ADAMTS2: variants seen among roughly 807,000 people sequenced by gnomAD.
ADAMTS2 encodes the protein ADAM metallopeptidase with thrombospondin type 1 motif 2, also known as A disintegrin and metalloproteinase with thrombospondin motifs 2.
ADAMTS2 carries 50 observed loss-of-function variants against 123.0 expected under a neutral mutation model. That is an observed-to-expected ratio of 0.41 (90% CI 0.32 to 0.51). The LOEUF (loss-of-function observed/expected upper bound fraction) is 0.51. Among genes scored for constraint, ADAMTS2 ranks in the 20% least tolerant of loss-of-function variants. The probability of loss-of-function intolerance (pLI) is 0.35; values close to 1 mark genes in which losing one functional copy is unlikely to be tolerated. For missense variants in ADAMTS2, 1,494 were observed against 1,705.2 expected (o/e 0.88, Z 2.18); for synonymous variants, 678 against 695.4 (o/e 0.98, Z 0.39).
intron 2 of ADAMTS2, among the ~76,000 whole-genome samples, chr5:179,310,503 A>G (rs1338808406): frequency 1.3e-5 from 2 of 152,218 alleles, no homozygotes; most frequent in Non-Finnish European, 1.5e-5. Flanking sequence ...GAGAGGTTCA[A>G]GTCCACAGAA....
Position 179,197,654 on chromosome 5 carries a change from C to T in ADAMTS2, c.891+9859G>A, listed in dbSNP as rs1028935737. Among the ~76,000 whole-genome samples, 4 of 152,150 alleles carry T rather than the reference C, an allele frequency of 2.6e-5. No homozygotes were observed. The highest frequency in any genetic ancestry group is 4.4e-5 in the Non-Finnish European group (3 of 68,038). On this transcript the variant is annotated intron_variant, in intron 4 of 21. Coordinates refer to ENST00000251582, the MANE Select transcript of ADAMTS2 (RefSeq NM_014244.5). The surrounding 1 kb of genome is among the most constrained non-coding windows in gnomAD (Gnocchi z 4.2). The stretch of plus-strand genomic sequence containing the variant: ...GGCTGAAGTTTGAGGCTGCAGTGAG[C>T]TATGATTGCAGCACTACGCTCCAGC...
At chr5:179,212,758 G>A (rs1164589577) in intron 3 of ADAMTS2, among the ~76,000 whole-genome samples, 8 of 144,540 alleles carry the variant, frequency 5.5e-5, no homozygotes, top group Non-Finnish European at 1.1e-4. Context: ...GCCTGAGGGC[G>A]GGTGCAGTGG....
chr5:179,307,753 T>G lies in ADAMTS2; in HGVS notation c.535-34689A>C, dbSNP rs1287648651. Among the ~76,000 whole-genome samples, 1 of 152,200 alleles carries G rather than the reference T, an allele frequency of 6.6e-6. No individual in the cohort carries two copies. The highest frequency in any genetic ancestry group is 2.4e-5 in the African/African-American group (1 of 41,456). ...CAGGGCCTTTGCACCTGCTGCTGCC[T>G]CCACCTGGAATGGCCTTCTTCCAGA... On this transcript the variant is annotated intron_variant, in intron 2 of 21. Transcript: ENST00000251582. This position sits in a 1 kb window ranked among gnomAD's most constrained non-coding sequence, Gnocchi z 5.6.
intron 5 of ADAMTS2, among the ~76,000 whole-genome samples, chr5:179,163,994 C>T (rs981451595): frequency 6.6e-6 from 1 of 152,112 alleles, no homozygotes; most frequent in Non-Finnish European, 1.5e-5. Context: ...GGCAGGACTT[C>T]AGGAGACATG....
chr5:179,238,204 G>T (rs1285678448), intron 3 of ADAMTS2, among the ~76,000 whole-genome samples: 1 of 152,228 alleles, frequency 6.6e-6, no homozygotes, highest in Non-Finnish European at 1.5e-5. Flanking sequence ...AGCTGCTCTA[G>T]TTCTCTGGAA....
At chr5:179,159,100 C>T (rs1186954348) in intron 5 of ADAMTS2, among the ~76,000 whole-genome samples, 1 of 152,238 alleles carries the variant, frequency 6.6e-6, no homozygotes, top group African/African-American at 2.4e-5. Context: ...TGAGTTTCCA[C>T]ACAAAGTCAC....
At chr5:179,119,850 C>T (rs756888579) in intron 21 of ADAMTS2, among the ~76,000 whole-genome samples, 6 of 152,314 alleles carry the variant, frequency 3.9e-5, no homozygotes, top group South Asian at 2.1e-4. Flanking sequence ...AAACCCATCT[C>T]GGGCCCTTTT....
intron 3 of ADAMTS2, among the ~76,000 whole-genome samples, chr5:179,208,783 T>C (rs1764780768): frequency 6.6e-6 from 1 of 152,100 alleles, no homozygotes. Flanking sequence ...CTGGTCTCTG[T>C]GTCTAAGCCA....
rs942631497 is a variant in ADAMTS2, at chr5:179,202,368, T to C, written c.891+5145A>G. Among the ~76,000 whole-genome samples, 2 of 151,100 alleles carry C rather than the reference T, an allele frequency of 1.3e-5. No homozygotes were observed. The highest frequency in any genetic ancestry group is 2.4e-5 in the African/African-American group (1 of 41,130). On this transcript the variant is annotated intron_variant, in intron 4 of 21. Coordinates refer to ENST00000251582, the MANE Select transcript of ADAMTS2 (RefSeq NM_014244.5). The surrounding 1 kb of genome is among the most constrained non-coding windows in gnomAD (Gnocchi z 4.0). The stretch of plus-strand genomic sequence containing the variant: ...CCGTTGTCGTGAGCCTCTGCTCCCG[T>C]GATATCTCCAGTGCACCAGCCCCTG...
intron 4 of ADAMTS2, among the ~76,000 whole-genome samples, chr5:179,182,981 AG>A (rs1764081613): frequency 6.6e-6 from 1 of 152,212 alleles, no homozygotes; most frequent in Non-Finnish European, 1.5e-5. Flanking sequence ...CTGTAAAATG[AG>A]GATTGCAGTC....
intron 3 of ADAMTS2, among the ~76,000 whole-genome samples, chr5:179,252,483 C>T (rs1765952692): frequency 6.6e-6 from 1 of 151,950 alleles, no homozygotes; most frequent in East Asian, 1.9e-4. Flanking sequence ...CTTTTATTAT[C>T]ATTGAGTTGT....
At chr5:179,171,311 C>T (rs1205289305) in intron 5 of ADAMTS2, among the ~76,000 whole-genome samples, 2 of 152,174 alleles carry the variant, frequency 1.3e-5, no homozygotes, top group Non-Finnish European at 2.9e-5. Context: ...GCTCCCAAGC[C>T]CTGTGGCCCA....
chr5:179,282,299 T>C (rs1395629970), intron 2 of ADAMTS2, among the ~76,000 whole-genome samples: 4 of 152,188 alleles, frequency 2.6e-5, no homozygotes, highest in Non-Finnish European at 5.9e-5. Flanking sequence ...ATCCATCCAT[T>C]TACAGTTAAT....
intron 3 of ADAMTS2, among the ~76,000 whole-genome samples, chr5:179,233,701 T>C (rs964939312): frequency 1.3e-5 from 2 of 151,780 alleles, no homozygotes; most frequent in African/African-American, 4.8e-5. Context: ...CAAAACAAAA[T>C]GAACAAACAA....
intron 3 of ADAMTS2, among the ~76,000 whole-genome samples, chr5:179,241,984 T>C (rs972127359): frequency 6.6e-6 from 1 of 151,948 alleles, no homozygotes; most frequent in Non-Finnish European, 1.5e-5. Flanking sequence ...GTGGCTGTGG[T>C]GGGGGGGCAC....
At chr5:179,261,278 T>C (rs1404810811) in intron 3 of ADAMTS2, among the ~76,000 whole-genome samples, 2 of 152,068 alleles carry the variant, frequency 1.3e-5, no homozygotes, top group African/African-American at 4.8e-5. Context: ...AAGCGCAAAT[T>C]AGCGCAAAAA....
chr5:179,150,772 G>A (rs111928685), intron 10 of ADAMTS2: 3,607 of 153,080 alleles, frequency 0.024, 56 homozygotes, highest in Non-Finnish European at 0.04. Flanking sequence ...GGGCGAGGAG[G>A]GAGGGGAGAG....
At position 179,160,187 on chromosome 5, in the gene ADAMTS2, G is replaced by A. The variant is rs73807262; in HGVS notation, c.976-1308C>T. ...AAATAACAAAAAGTTGGCCGTGCGCGGTGGCTCACACCTGTAATCCCAGCA... is the reference window on the plus strand; with the variant it reads ...AAATAACAAAAAGTTGGCCGTGCGCAGTGGCTCACACCTGTAATCCCAGCA... On this transcript the variant is annotated intron_variant, in intron 5 of 21. Coordinates refer to ENST00000251582, the MANE Select transcript of ADAMTS2 (RefSeq NM_014244.5). Among the ~76,000 whole-genome samples the A allele has an allele frequency of 6.5e-3, 996 of 152,258 alleles. 12 individuals carry two copies. Among genetic ancestry groups the A allele is most frequent in the African/African-American group, 0.022 (925 of 41,532 alleles).
chr5:179,128,434 C>A lies in ADAMTS2; in HGVS notation c.2458-316G>T, dbSNP rs2113196840. On this transcript the variant is annotated intron_variant, in intron 16 of 21. Transcript: ENST00000251582. This position sits in a 1 kb window ranked among gnomAD's most constrained non-coding sequence, Gnocchi z 4.9. Reference sequence around the variant, plus strand: ...TGAGATGGAGTTTCGCTCTTGTAGCCCAGGCTGGAGTGTAGTGGCACGATC... The same window carrying A: ...TGAGATGGAGTTTCGCTCTTGTAGCACAGGCTGGAGTGTAGTGGCACGATC... Among the ~76,000 whole-genome samples the A allele has an allele frequency of 6.6e-6, 1 of 152,182 alleles. No homozygotes were observed. Among genetic ancestry groups the A allele is most frequent in the South Asian group, 2.1e-4 (1 of 4,814 alleles).
Sources: gnomAD v4.1 joint callset for allele counts (sites outside exome capture counted in the v4.1 genomes callset) on GRCh38, gnomAD v4.1.1 for gene constraint, Gnocchi (gnomAD v3.1) non-coding constraint, MANE v1.5 for transcripts, NCBI Gene and HGNC (gene_info 2026-07-23, HGNC 2026-07-21) for gene names.